ADAMTSL3: variants seen among roughly 807,000 people sequenced by gnomAD.
ADAMTSL3 encodes ADAMTS like 3.
A neutral mutation model predicts 201.7 loss-of-function variants in ADAMTSL3; 128 were observed. That is an observed-to-expected ratio of 0.63 (90% CI 0.55 to 0.73). The LOEUF is 0.73. Among genes scored for constraint, ADAMTSL3 ranks in the 30% least tolerant of loss-of-function variants. The pLI is 0.00. For synonymous variants in ADAMTSL3, 738 were observed against 748.4 expected (o/e 0.99, Z 0.23); for missense variants, 1,990 against 2,119.6 (o/e 0.94, Z 1.20).
rs757015513 is a variant in ADAMTSL3 at position 83,983,303 on chromosome 15, T to C, written c.3675T>C (p.Tyr1225=). The change falls in exon 21 of 30, where the codon TAT becomes TAC. Residue 1225 remains tyrosine, a synonymous_variant. Coordinates refer to ENST00000286744, the MANE Select transcript of ADAMTSL3 (RefSeq NM_207517.3). ...CDLITPSEAT[Y]TWTKDGTLLQ... is the part of the protein sequence containing the mutation. ...TTATTACCCCCAGTGAGGCCACATA[T>C]ACATGGACCAAGGATGGAACCTTGT... The C allele has an allele frequency of 5.1e-6, 8 of 1,576,374 alleles. No individual in the cohort carries two copies. The East Asian group carries it at 1.6e-4, about 31-fold the overall frequency.
At chr15:83,809,894 G>A (rs1165484868) in intron 5 of ADAMTSL3, among the ~76,000 whole-genome samples, 1 of 152,062 alleles carries the variant, frequency 6.6e-6, no homozygotes, top group Non-Finnish European at 1.5e-5. Flanking sequence ...AAGCCAGTGT[G>A]AGACATCAGT....
intron 10 of ADAMTSL3, 79 bp from the exon 11 acceptor site, chr15:83,890,030 A>G: frequency 6.8e-7 from 1 of 1,474,066 alleles, no homozygotes; most frequent in South Asian, 1.3e-5. Flanking sequence ...GAAAAAAAAA[A>G]GTGTGTGGCA....
At chr15:83,865,562 G>A (rs1172443413) in intron 8 of ADAMTSL3, among the ~76,000 whole-genome samples, 1 of 152,214 alleles carries the variant, frequency 6.6e-6, no homozygotes, top group African/African-American at 2.4e-5. Context: ...CTAGCCATAT[G>A]TAGAAAGCTG....
At chr15:83,973,506 A>T (rs2067230885) in intron 20 of ADAMTSL3, among the ~76,000 whole-genome samples, 1 of 152,134 alleles carries the variant, frequency 6.6e-6, no homozygotes, top group Non-Finnish European at 1.5e-5. Flanking sequence ...AGCCACCAGG[A>T]TTTCCTAAAG....
intron 24 of ADAMTSL3, 23 bp from the exon 25 acceptor site, chr15:84,016,360 G>A: frequency 6.3e-7 from 1 of 1,584,270 alleles, no homozygotes; most frequent in Non-Finnish European, 8.7e-7. Flanking sequence ...ACTGGTAAAA[G>A]TGCTACTTTT....
chr15:83,883,506 T>C (rs1031736465), intron 9 of ADAMTSL3, among the ~76,000 whole-genome samples: 2 of 143,200 alleles, frequency 1.4e-5, no homozygotes, highest in Non-Finnish European at 3.0e-5. Context: ...AAATTTTTTA[T>C]CCCAATTTTA....
intron 2 of ADAMTSL3, among the ~76,000 whole-genome samples, chr15:83,697,046 T>A (rs1405485538): frequency 6.6e-6 from 1 of 151,972 alleles, no homozygotes; most frequent in Non-Finnish European, 1.5e-5. Context: ...GAGAGATGGG[T>A]GTGAGAGCTC....
At chr15:83,919,593 T>A (rs888672562) in intron 16 of ADAMTSL3, among the ~76,000 whole-genome samples, 1 of 152,044 alleles carries the variant, frequency 6.6e-6, no homozygotes, top group Non-Finnish European at 1.5e-5. Flanking sequence ...TAGAGGGGAT[T>A]TTTTTTGCAG....
chr15:83,673,357 G>A lies in ADAMTSL3; in HGVS notation c.69+17527G>A, dbSNP rs190625392. 5.0e-4 allele frequency among the ~76,000 whole-genome samples: 76 copies of A among 152,336 alleles called. 1 individual carries two copies. Among genetic ancestry groups the A allele is most frequent in the African/African-American group, 9.6e-5 (4 of 41,582 alleles). On this transcript the variant is annotated intron_variant, in intron 2 of 29. Coordinates refer to ENST00000286744, the MANE Select transcript of ADAMTSL3 (RefSeq NM_207517.3). ...GACAGGCACACATACATAATTGTAC[G>A]ACACAGAGCAAGATAGATAATGTAC...
rs192725960 is a variant in ADAMTSL3, at chr15:83,759,288, C to T, written c.190-14235C>T. Among the ~76,000 whole-genome samples, 488 of 150,804 alleles carry T rather than the reference C, an allele frequency of 3.2e-3. 2 individuals carry two copies. Among genetic ancestry groups the T allele is most frequent in the African/African-American group, 0.01 (418 of 41,102 alleles). On this transcript the variant is annotated intron_variant, in intron 3 of 29. Transcript: ENST00000286744. ...TCGCCCAGGCTGGAGTGCAGTGACT[C>T]GACCTCCGCTCACTGCAAGCTCTGC...
At chr15:83,887,618 T>TTTTG (rs879603047) in intron 10 of ADAMTSL3, among the ~76,000 whole-genome samples, 18 of 152,244 alleles carry the variant, frequency 1.2e-4, no homozygotes, top group South Asian at 2.1e-4. Context: ...TCTCTCTCCT[T>TTTTG]TTTGTTTGTT....
chr15:84,004,463 G>A (rs1419390557), intron 23 of ADAMTSL3, among the ~76,000 whole-genome samples: 1 of 152,184 alleles, frequency 6.6e-6, no homozygotes, highest in East Asian at 1.9e-4. Context: ...TCAGGAATTA[G>A]TGGGTAACCA....
chr15:83,908,035 C>T (rs778719095), intron 15 of ADAMTSL3, among the ~76,000 whole-genome samples: 5 of 152,154 alleles, frequency 3.3e-5, no homozygotes, highest in Non-Finnish European at 5.9e-5. Context: ...TACATGCTGC[C>T]TTCTTCTCTT....
intron 15 of ADAMTSL3, among the ~76,000 whole-genome samples, chr15:83,907,596 G>A (rs11856122): frequency 0.63 from 95,146 of 151,770 alleles, 30,902 homozygotes; most frequent in African/African-American, 0.79. Flanking sequence ...TAGAGACAGC[G>A]TTTCACCATG....
At chr15:83,900,072 C>A (rs931803707) in intron 15 of ADAMTSL3, among the ~76,000 whole-genome samples, 1 of 152,098 alleles carries the variant, frequency 6.6e-6, no homozygotes, top group African/African-American at 2.4e-5. Flanking sequence ...ACCAGTCATT[C>A]CATGGGTAAG....
At position 83,838,232 on chromosome 15, in the gene ADAMTSL3, A is replaced by G. The variant is rs184565205; in HGVS notation, c.727+17A>G. 9.9e-4 allele frequency: 1,593 copies of G among 1,610,206 alleles called. 8 individuals carry two copies. In the Middle Eastern group the frequency reaches 0.011, roughly 12 times the overall value. Reference sequence around the variant, plus strand: ...CTGAAAAAAGTAGGTTTTAAACCCAATACGTTATTACCATCATACAAGATA... The same window carrying G: ...CTGAAAAAAGTAGGTTTTAAACCCAGTACGTTATTACCATCATACAAGATA... On this transcript the variant is annotated intron_variant, in intron 7 of 29. Coordinates refer to ENST00000286744, the MANE Select transcript of ADAMTSL3 (RefSeq NM_207517.3).
chr15:83,746,654 G>A (rs879219179), intron 3 of ADAMTSL3, among the ~76,000 whole-genome samples: 1 of 152,132 alleles, frequency 6.6e-6, no homozygotes, highest in Admixed American at 6.5e-5. Context: ...GATGAAGCTA[G>A]TCTCTTGTGA....
chr15:83,674,766 C>CATATATACGCACATATATACATATAT (rs1555428954), intron 2 of ADAMTSL3, among the ~76,000 whole-genome samples: 1 of 68,952 alleles, frequency 1.5e-5, no homozygotes, highest in South Asian at 6.5e-4. Context: ...CACATATATA[C>CATATATACGCACATATATACATATAT]ATATATATAT....
chr15:83,904,445 A>G (rs1167724282), intron 15 of ADAMTSL3, among the ~76,000 whole-genome samples: 2 of 152,034 alleles, frequency 1.3e-5, no homozygotes, highest in African/African-American at 4.8e-5. Context: ...ACGCAGCTGT[A>G]TTTTACATCC....
Sources: allele counts gnomAD v4.1 joint callset (sites outside exome capture counted in the v4.1 genomes callset), GRCh38; gene constraint gnomAD v4.1.1; transcripts MANE v1.5; gene names NCBI Gene and HGNC (gene_info 2026-07-23, HGNC 2026-07-21).